IQSEC1: variants seen among roughly 807,000 people sequenced by gnomAD.
IQSEC1 encodes IQ motif and Sec7 domain ArfGEF 1.
In IQSEC1, 31 loss-of-function variants were observed where a neutral mutation model predicts 91.0. The observed-to-expected ratio is 0.34, with a 90% confidence interval of 0.26 to 0.46. The LOEUF is 0.46. Ranked by LOEUF, IQSEC1 falls within the 20% of genes least tolerant of loss-of-function variation. IQSEC1 has a pLI of 1.00. For missense variants in IQSEC1, 1,388 were observed against 1,575.6 expected (o/e 0.88, Z 2.02); for synonymous variants, 699 against 662.6 (o/e 1.05, Z -0.84).
intron 1 of IQSEC1, among the ~76,000 whole-genome samples, chr3:13,202,180 T>C (rs1399380981): frequency 6.6e-6 from 1 of 152,202 alleles, no homozygotes; most frequent in Non-Finnish European, 1.5e-5. Flanking sequence ...TGTGAAGAAA[T>C]TGGAATCCTT....
intron 2 of IQSEC1, among the ~76,000 whole-genome samples, chr3:13,150,987 G>A (rs1465628216): frequency 1.3e-5 from 2 of 152,212 alleles, no homozygotes; most frequent in East Asian, 3.8e-4. Context: ...ATCCCAGGGG[G>A]GCTGCCCTCA....
At position 12,967,332 on chromosome 3, in the gene IQSEC1, G is replaced by A. The variant is rs918017180; in HGVS notation, c.24-25467C>T. The stretch of plus-strand genomic sequence containing the variant: ...CCGCACAGGCATCCCCACAGCCTGC[G>A]CCAGCCCACCGCTCAGCACCCGGGA... On this transcript the variant is annotated intron_variant, in intron 1 of 13. Coordinates refer to ENST00000613206, the MANE Select transcript of IQSEC1 (RefSeq NM_001134382.3). This position sits in a 1 kb window ranked among gnomAD's most constrained non-coding sequence, Gnocchi z 5.9. 8.9e-6 allele frequency: 13 copies of A among 1,454,470 alleles called. No homozygotes were observed. The highest frequency in any genetic ancestry group is 8.6e-5 in the African/African-American group (6 of 69,510). The allele number at this position is 1,454,470 out of a possible 1,614,324, so 90.1% of individuals were successfully genotyped here. A position where few individuals can be genotyped will look rare whatever the true frequency, so the allele number is the denominator to read the frequency against.
At position 12,913,641 on chromosome 3, in the gene IQSEC1, G is replaced by A; in HGVS notation, c.2191-88C>T. On this transcript the variant is annotated intron_variant, in intron 8 of 13. Coordinates refer to ENST00000613206, the MANE Select transcript of IQSEC1 (RefSeq NM_001134382.3). ...GCAGTGGAGAAGTCTAGCCCTTCAA[G>A]CTAGAAACCCGGCACGTGGGCCTTG... is the stretch of plus-strand genomic sequence containing the variant. 4 of 1,398,386 alleles carry A rather than the reference G, an allele frequency of 2.9e-6. No individual in the cohort carries two copies. In the South Asian group the frequency reaches 3.8e-5, roughly 13 times the overall value. 86.6% of individuals were successfully genotyped at this position (1,398,386 alleles called of 1,614,324 possible).
rs910319087 is a variant in IQSEC1, at chr3:12,967,892, C to CG, written c.24-26028dup. On this transcript the variant is annotated intron_variant, in intron 1 of 13. Transcript: ENST00000613206. The surrounding 1 kb of genome is among the most constrained non-coding windows in gnomAD (Gnocchi z 5.9). ...GGCGCCGCGGAAGAAGCACAGGGGG[C>CG]GGGGGGTCAGGGGCGGGGCGTCAGG... Among the ~76,000 whole-genome samples, 4 of 5,908 alleles carry CG rather than the reference C, an allele frequency of 6.8e-4. No individual in the cohort carries two copies. Among genetic ancestry groups the CG allele is most frequent in the African/African-American group, 1.9e-3 (2 of 1,058 alleles). 3.9% of individuals were successfully genotyped at this position (5,908 alleles called of 152,430 possible). A position where few individuals can be genotyped will look rare whatever the true frequency, so the allele number is the denominator to read the frequency against.
chr3:13,216,850 C>T (rs9990101), intron 1 of IQSEC1, among the ~76,000 whole-genome samples: 30,434 of 152,130 alleles, frequency 0.2, 4,336 homozygotes, highest in African/African-American at 0.39. Flanking sequence ...TTCACTTACC[C>T]CTGCCCACTC....
intron 1 of IQSEC1, among the ~76,000 whole-genome samples, chr3:13,217,429 T>A (rs1694571664): frequency 6.6e-6 from 1 of 152,196 alleles, no homozygotes; most frequent in Non-Finnish European, 1.5e-5. Context: ...CACCAGCAGA[T>A]CGTTCCTTTT....
intron 1 of IQSEC1, among the ~76,000 whole-genome samples, chr3:13,266,944 TG>T (rs1695502105): frequency 1.5e-5 from 1 of 67,224 alleles, no homozygotes; most frequent in Non-Finnish European, 2.8e-5. Context: ...CCCTGACCCC[TG>T]GCTGCACCCC....
At chr3:13,140,812 C>A (rs1259341379) in intron 2 of IQSEC1, among the ~76,000 whole-genome samples, 1 of 152,196 alleles carries the variant, frequency 6.6e-6, no homozygotes, top group Non-Finnish European at 1.5e-5. Context: ...GCATCCCACC[C>A]TCCCCTGGGT....
upstream of IQSEC1, among the ~76,000 whole-genome samples, chr3:13,073,909 C>T (rs1474355071): frequency 1.3e-5 from 2 of 152,236 alleles, no homozygotes; most frequent in African/African-American, 4.8e-5. Context: ...CGCACCACGC[C>T]AGTAGCTGCA....
chr3:13,176,057 C>A (rs1693722448), intron 1 of IQSEC1, among the ~76,000 whole-genome samples: 1 of 152,212 alleles, frequency 6.6e-6, no homozygotes, highest in Admixed American at 6.5e-5. Context: ...CATTGCCATT[C>A]TGTCTTGCTC....
rs60347391 is a variant in IQSEC1 at position 13,277,137 on chromosome 3, A to AAAAAAAAAC, written c.272+5573_272+5574insGTTTTTTTT. The stretch of plus-strand genomic sequence containing the variant: ...AAAAAAAAAAAAAAAAAAAAAAAAA[A>AAAAAAAAAC]CAGAAAACAAGACACAAAAGACCGG... On this transcript the variant is annotated intron_variant, in intron 1 of 15. Coordinates refer to the IQSEC1 transcript ENST00000648114. 5.9e-3 allele frequency among the ~76,000 whole-genome samples: 695 copies of AAAAAAAAAC among 118,346 alleles called. 75 individuals are homozygous for AAAAAAAAAC. The highest frequency in any genetic ancestry group is 0.024 in the African/African-American group (655 of 27,432). 77.6% of individuals were successfully genotyped at this position (118,346 alleles called of 152,430 possible). A position where few individuals can be genotyped will look rare whatever the true frequency, so the allele number is the denominator to read the frequency against.
upstream of IQSEC1, among the ~76,000 whole-genome samples, chr3:13,075,538 C>T (rs922647393): frequency 1.6e-4 from 24 of 152,232 alleles, no homozygotes; most frequent in African/African-American, 4.6e-4. Flanking sequence ...TCCTCTTTTG[C>T]TCCCTGGGAG....
Position 12,897,767 on chromosome 3 carries a change from TCTG to T in IQSEC1, c.*3213_*3215del, listed in dbSNP as rs1482840463. The T allele has an allele frequency of 3.3e-5, 5 of 152,184 alleles. No individual in the cohort carries two copies. Among genetic ancestry groups the T allele is most frequent in the African/African-American group, 1.2e-4 (5 of 41,430 alleles). The allele number at this position is 152,184 out of a possible 1,614,324, so 9.4% of individuals were successfully genotyped here. On this transcript the variant is annotated 3_prime_UTR_variant, in exon 14 of 14. Coordinates refer to ENST00000613206, the MANE Select transcript of IQSEC1 (RefSeq NM_001134382.3). ...CAACACCCAGCATCAGCTGTGAACA[TCTG>T]CTGTCTTTTCAGCTCATTAAGAAAA...
intron 1 of IQSEC1, among the ~76,000 whole-genome samples, chr3:13,038,165 T>C (rs1704104769): frequency 6.8e-6 from 1 of 147,774 alleles, no homozygotes; most frequent in Non-Finnish European, 1.5e-5. Flanking sequence ...TTGGTATATA[T>C]ATGAATATAT....
chr3:13,275,819 G>A (rs952392580), intron 1 of IQSEC1, among the ~76,000 whole-genome samples: 8 of 152,214 alleles, frequency 5.3e-5, no homozygotes, highest in African/African-American at 1.7e-4. Flanking sequence ...AGGGGTGTGA[G>A]TAGAAGAGGT....
intron 1 of IQSEC1, among the ~76,000 whole-genome samples, chr3:13,007,283 G>T (rs182198063): frequency 9.2e-5 from 14 of 152,356 alleles, no homozygotes; most frequent in African/African-American, 3.4e-4. Context: ...CAGCTGGTAT[G>T]CGGGATCCAG....
At position 12,924,549 on chromosome 3, in the gene IQSEC1, C is replaced by G. The variant is rs773407351; in HGVS notation, c.1730+32G>C. 1 of 1,549,596 alleles carries G rather than the reference C, an allele frequency of 6.5e-7. No homozygotes were observed. The highest frequency in any genetic ancestry group is 1.8e-5 in the Admixed American group (1 of 55,328). Reference sequence around the variant, plus strand: ...GGGTGCGTGAGGGCGTGTGTGGAATCAGGTCCCCCACCACCCCCATGCAGA... The same window carrying G: ...GGGTGCGTGAGGGCGTGTGTGGAATGAGGTCCCCCACCACCCCCATGCAGA... On this transcript the variant is annotated intron_variant, in intron 4 of 13. Transcript: ENST00000613206. This position sits in a 1 kb window ranked among gnomAD's most constrained non-coding sequence, Gnocchi z 6.3.
At chr3:13,149,550 A>C (rs1379495669) in intron 2 of IQSEC1, among the ~76,000 whole-genome samples, 6 of 152,082 alleles carry the variant, frequency 3.9e-5, no homozygotes, top group Non-Finnish European at 8.8e-5. Flanking sequence ...GGGAGGACGC[A>C]GCCTGTCAAA....
intron 1 of IQSEC1, among the ~76,000 whole-genome samples, chr3:12,957,118 AC>A (rs1699958063): frequency 6.6e-6 from 1 of 152,202 alleles, no homozygotes; most frequent in Non-Finnish European, 1.5e-5. Context: ...GAAACGAGAT[AC>A]GTCCATCTCT....
Sources: gnomAD v4.1 joint callset for allele counts (sites outside exome capture counted in the v4.1 genomes callset) on GRCh38, gnomAD v4.1.1 for gene constraint, Gnocchi (gnomAD v3.1) non-coding constraint, MANE v1.5 for transcripts, NCBI Gene and HGNC (gene_info 2026-07-23, HGNC 2026-07-21) for gene names.